Variants in NIBAN1 observed in about 807,000 individuals in gnomAD.
The protein encoded by NIBAN1 is niban apoptosis regulator 1, also known as protein Niban 1.
NIBAN1 carries 81 observed loss-of-function variants against 75.1 expected under a neutral mutation model. The ratio of observed to expected loss-of-function variants is 1.08; its 90% confidence interval spans 0.90 to 1.30. The LOEUF is 1.30. NIBAN1 is among the 50% of genes most tolerant of loss of function. The pLI is 0.00. For missense variants in NIBAN1, 1,133 were observed against 1,128.1 expected, an observed-to-expected ratio of 1.00 and a Z score of -0.06; for synonymous variants, 436 against 424.8, an observed-to-expected ratio of 1.03 and a Z score of -0.32.
chr1:184,959,177 C>T (rs908947008), intron 1 of NIBAN1, among the ~76,000 whole-genome samples: 1 of 151,394 alleles, frequency 6.6e-6, no homozygotes, highest in African/African-American at 2.4e-5. Context: ...TGTCTGGCCC[C>T]AGACCAGCCA....
chr1:184,867,674 C>T (rs1366506944), intron 5 of NIBAN1, among the ~76,000 whole-genome samples: 1 of 152,168 alleles, frequency 6.6e-6, no homozygotes, highest in Non-Finnish European at 1.5e-5. Flanking sequence ...AATGATGTTC[C>T]TGATCTATTT....
At chr1:184,894,385 A>G (rs148695941) in intron 2 of NIBAN1, among the ~76,000 whole-genome samples, 179 bp from the exon 3 acceptor site, 14 of 152,210 alleles carry the variant, frequency 9.2e-5, no homozygotes, top group Admixed American at 6.5e-4. Context: ...ACTTGACCCA[A>G]TGTAAATATT....
At chr1:184,944,523 T>A (rs1236775750) in intron 1 of NIBAN1, among the ~76,000 whole-genome samples, 1 of 152,250 alleles carries the variant, frequency 6.6e-6, no homozygotes, top group Non-Finnish European at 1.5e-5. Context: ...TATTTTCTGT[T>A]TGATGCCTTT....
At chr1:184,963,357 C>T (rs1658700386) in intron 1 of NIBAN1, among the ~76,000 whole-genome samples, 2 of 151,950 alleles carry the variant, frequency 1.3e-5, no homozygotes, top group Admixed American at 6.6e-5. Context: ...GGGGAACATC[C>T]CTTTTCAAGT....
At chr1:184,877,881 C>A (rs1202119667) in intron 5 of NIBAN1, among the ~76,000 whole-genome samples, 1 of 151,616 alleles carries the variant, frequency 6.6e-6, no homozygotes, top group Non-Finnish European at 1.5e-5. Context: ...ATTTTGGAAT[C>A]TACCCAATCT....
At chr1:184,870,005 C>T (rs943958821) in intron 5 of NIBAN1, among the ~76,000 whole-genome samples, 1 of 152,130 alleles carries the variant, frequency 6.6e-6, no homozygotes, top group South Asian at 2.1e-4. Flanking sequence ...TAGGCAACAA[C>T]GATTCTCTAA....
intron 3 of NIBAN1, among the ~76,000 whole-genome samples, chr1:184,893,265 AG>A (rs1362670446): frequency 2.0e-5 from 3 of 152,188 alleles, no homozygotes; most frequent in Non-Finnish European, 4.4e-5. Flanking sequence ...TGAGGACTGA[AG>A]GCAAGAAGTC....
chr1:184,805,130 C>T (rs1376469327), intron 11 of NIBAN1, among the ~76,000 whole-genome samples: 1 of 152,168 alleles, frequency 6.6e-6, no homozygotes, highest in African/African-American at 2.4e-5. Context: ...GCTAGAGTTT[C>T]CTCTTGCCTG....
rs527563589 is a variant in NIBAN1, at chr1:184,854,238, G to T, written c.602-22276C>A. ...GATGCTTGTGGTTTAAGAGTATGTT[G>T]TTTATTTGAGTTGGGGCAGAGGAGG... is the stretch of plus-strand genomic sequence containing the variant. On this transcript the variant is annotated intron_variant, in intron 5 of 13. Coordinates refer to ENST00000367511, the MANE Select transcript of NIBAN1 (RefSeq NM_052966.4). Among the ~76,000 whole-genome samples, 5 of 152,130 alleles carry T rather than the reference G, an allele frequency of 3.3e-5. No homozygotes were observed. The South Asian group carries it at 6.2e-4, about 19-fold the overall frequency.
At chr1:184,807,164 T>G (rs1654223706) in intron 10 of NIBAN1, among the ~76,000 whole-genome samples, 1 of 152,180 alleles carries the variant, frequency 6.6e-6, no homozygotes. Context: ...TGGTACAGTG[T>G]CCGGCCCACA....
chr1:184,974,306 G>A lies in NIBAN1; in HGVS notation c.51C>T (p.Ile17=), dbSNP rs1291072308. ...CCCCCGGGCGGGCGGGCGTACCTCG[G>A]ATGTAAGCGCACTTGCCCTCGTCCA... is the stretch of plus-strand genomic sequence containing the variant. ...SQLDEGKCAY[I]RGKTEAAIKN... Residue 17 remains isoleucine, a synonymous_variant, in exon 1 of 14, where the codon ATC becomes ATT. Transcript: ENST00000367511. 1 of 1,564,514 alleles carries A rather than the reference G, an allele frequency of 6.4e-7. No individual in the cohort carries two copies. The highest frequency in any genetic ancestry group is 1.7e-4 in the Middle Eastern group (1 of 6,000).
At chr1:184,832,312 T>TC (rs956517593) in intron 5 of NIBAN1, among the ~76,000 whole-genome samples, 2 of 152,192 alleles carry the variant, frequency 1.3e-5, no homozygotes, top group Non-Finnish European at 2.9e-5. Flanking sequence ...AGAAAGGCCG[T>TC]CCCTTAACAG....
intron 5 of NIBAN1, among the ~76,000 whole-genome samples, chr1:184,866,612 A>G (rs1655964167): frequency 6.6e-6 from 1 of 152,228 alleles, no homozygotes; most frequent in Non-Finnish European, 1.5e-5. Context: ...AGACATCTAA[A>G]TTAGATCATA....
chr1:184,929,664 T>C (rs1013565576), intron 1 of NIBAN1, among the ~76,000 whole-genome samples: 1 of 152,208 alleles, frequency 6.6e-6, no homozygotes, highest in East Asian at 1.9e-4. Context: ...AAGTATGTCT[T>C]TTTTCCTCCA....
chr1:184,854,030 T>C (rs976761074), intron 5 of NIBAN1, among the ~76,000 whole-genome samples: 1 of 152,228 alleles, frequency 6.6e-6, no homozygotes, highest in African/African-American at 2.4e-5. Flanking sequence ...ACCCCAAATA[T>C]CTGAAATATG....
intron 5 of NIBAN1, among the ~76,000 whole-genome samples, chr1:184,854,812 A>G (rs779870132): frequency 3.3e-5 from 5 of 152,378 alleles, no homozygotes; most frequent in Non-Finnish European, 7.3e-5. Flanking sequence ...GACAATCTCA[A>G]TAGTGGGTAC....
At chr1:184,892,046 A>C (rs963652228) in intron 3 of NIBAN1, among the ~76,000 whole-genome samples, 11 of 152,364 alleles carry the variant, frequency 7.2e-5, no homozygotes, top group African/African-American at 2.4e-4. Flanking sequence ...ATAAGTGAAA[A>C]GAGGAAAAAC....
chr1:184,872,882 C>T (rs1340091382), intron 5 of NIBAN1, among the ~76,000 whole-genome samples: 2 of 151,874 alleles, frequency 1.3e-5, no homozygotes, highest in African/African-American at 4.8e-5. Context: ...AAATTTCAAG[C>T]AGTATAAATA....
intron 5 of NIBAN1, among the ~76,000 whole-genome samples, chr1:184,844,872 G>C (rs1655392591): frequency 6.6e-6 from 1 of 152,226 alleles, no homozygotes; most frequent in Non-Finnish European, 1.5e-5. Flanking sequence ...TCAGAAAGGT[G>C]AGAACACTGG....
Sources: allele counts gnomAD v4.1 joint callset (sites outside exome capture counted in the v4.1 genomes callset), GRCh38; gene constraint gnomAD v4.1.1; transcripts MANE v1.5; gene names NCBI Gene and HGNC (gene_info 2026-07-23, HGNC 2026-07-21).